Variants in RGS7 observed in about 807,000 individuals in gnomAD.
RGS7 encodes regulator of G protein signaling 7, also known as regulator of G-protein signaling 7.
Under a neutral mutation model 81.1 loss-of-function variants are expected in RGS7, and 27 were observed. The ratio of observed to expected loss-of-function variants is 0.33; its 90% CI spans 0.25 to 0.46. The LOEUF (loss-of-function observed/expected upper bound fraction) is 0.46, where lower values mean the gene tolerates loss of function less well. RGS7 is among the 20% of genes least tolerant of loss of function. RGS7 has a pLI of 1.00. For synonymous variants in RGS7, 208 were observed against 207.7 expected, an observed-to-expected ratio of 1.00 and a Z score of -0.01; for missense variants, 396 against 607.4, an observed-to-expected ratio of 0.65 and a Z score of 3.66.
intron 6 of RGS7, among the ~76,000 whole-genome samples, chr1:240,918,395 A>C (rs1572755878): frequency 6.6e-6 from 1 of 152,316 alleles, no homozygotes; most frequent in East Asian, 1.9e-4. Context: ...AAGTCTTTCA[A>C]AGTATGATCT....
chr1:241,046,421 C>A (rs2060935889), intron 3 of RGS7, among the ~76,000 whole-genome samples: 1 of 151,744 alleles, frequency 6.6e-6, no homozygotes, highest in South Asian at 2.1e-4. Flanking sequence ...TCACTTATAA[C>A]TGAGTAGAGC....
At chr1:241,100,777 C>T (rs1197390389) in intron 2 of RGS7, among the ~76,000 whole-genome samples, 2 of 152,172 alleles carry the variant, frequency 1.3e-5, no homozygotes, top group Non-Finnish European at 2.9e-5. Flanking sequence ...ATATATAGAA[C>T]AACAAATATT....
chr1:241,156,599 G>A (rs1241117712), intron 2 of RGS7, among the ~76,000 whole-genome samples: 1 of 149,902 alleles, frequency 6.7e-6, no homozygotes, highest in South Asian at 2.1e-4. Context: ...GGGGAGACGA[G>A]GGGAGGGGAG....
chr1:241,230,159 G>A (rs1050217332), intron 2 of RGS7, among the ~76,000 whole-genome samples: 12 of 151,974 alleles, frequency 7.9e-5, no homozygotes, highest in Non-Finnish European at 5.9e-5. Flanking sequence ...TACTTAATAT[G>A]AGTCCATATA....
chr1:241,075,450 A>G (rs2062736967), intron 3 of RGS7, among the ~76,000 whole-genome samples: 1 of 152,162 alleles, frequency 6.6e-6, no homozygotes, highest in Non-Finnish European at 1.5e-5. Context: ...TTCTATGTGC[A>G]ATTCAGGGTT....
intron 2 of RGS7, among the ~76,000 whole-genome samples, chr1:241,194,260 T>C (rs970002903): frequency 1.3e-5 from 2 of 152,218 alleles, no homozygotes; most frequent in Non-Finnish European, 2.9e-5. Flanking sequence ...GCAAAAATTA[T>C]ATTGAGAAAA....
intron 2 of RGS7, among the ~76,000 whole-genome samples, chr1:241,171,393 A>G (rs551163014): frequency 1.3e-5 from 2 of 152,332 alleles, no homozygotes; most frequent in African/African-American, 4.8e-5. Context: ...CAACTGACAC[A>G]GTCACTTAAC....
At chr1:241,225,589 T>C (rs1175104579) in intron 2 of RGS7, among the ~76,000 whole-genome samples, 1 of 152,178 alleles carries the variant, frequency 6.6e-6, no homozygotes, top group African/African-American at 2.4e-5. Flanking sequence ...ATGGGGAGGC[T>C]ATGGATGTGA....
intron 2 of RGS7, among the ~76,000 whole-genome samples, chr1:241,311,758 G>C (rs2080547613): frequency 6.6e-6 from 1 of 152,144 alleles, no homozygotes; most frequent in Non-Finnish European, 1.5e-5. Flanking sequence ...AATTGTGTTG[G>C]AACAAATTTG....
chr1:241,030,727 C>T (rs1052287313), intron 3 of RGS7, among the ~76,000 whole-genome samples: 2 of 152,112 alleles, frequency 1.3e-5, no homozygotes, highest in African/African-American at 4.8e-5. Context: ...AGTGGGTTTC[C>T]TGGCTTCCAT....
At chr1:241,001,123 T>A (rs1410419541) in intron 3 of RGS7, among the ~76,000 whole-genome samples, 2 of 152,182 alleles carry the variant, frequency 1.3e-5, no homozygotes, top group African/African-American at 4.8e-5. Context: ...TGGATATGTG[T>A]GTGTGTTCAT....
At chr1:241,014,337 A>T (rs684863) in intron 3 of RGS7, among the ~76,000 whole-genome samples, 44,394 of 152,168 alleles carry the variant, frequency 0.29, 6,973 homozygotes, top group Middle Eastern at 0.4. Flanking sequence ...AAAACATGAG[A>T]CTGTCCAACA....
intron 6 of RGS7, among the ~76,000 whole-genome samples, chr1:240,903,918 T>G (rs1670414555): frequency 6.6e-6 from 1 of 152,264 alleles, no homozygotes; most frequent in Admixed American, 6.5e-5. Flanking sequence ...CCTGAGGGCC[T>G]CACCAGAAGC....
intron 3 of RGS7, among the ~76,000 whole-genome samples, chr1:241,034,097 T>C (rs1322621786): frequency 6.6e-6 from 1 of 152,196 alleles, no homozygotes; most frequent in Non-Finnish European, 1.5e-5. Context: ...ATATTGAATA[T>C]TGGCTGGCAA....
chr1:241,309,724 T>C (rs2080393853), intron 2 of RGS7, among the ~76,000 whole-genome samples: 2 of 152,268 alleles, frequency 1.3e-5, no homozygotes, highest in Admixed American at 1.3e-4. Context: ...AAAGGAGTCC[T>C]GGTTTACTGA....
At chr1:241,153,189 A>T (rs979672407) in intron 2 of RGS7, among the ~76,000 whole-genome samples, 20 of 152,218 alleles carry the variant, frequency 1.3e-4, no homozygotes, top group Non-Finnish European at 2.5e-4. Flanking sequence ...TAGAAATTAG[A>T]TGCATTTGTC....
At chr1:240,939,613 A>G (rs1677219305) in intron 4 of RGS7, among the ~76,000 whole-genome samples, 1 of 152,224 alleles carries the variant, frequency 6.6e-6, no homozygotes, top group South Asian at 2.1e-4. Context: ...GATTGTTTCA[A>G]GTTGAAAACA....
intron 5 of RGS7, among the ~76,000 whole-genome samples, chr1:240,932,947 G>A (rs1268547366): frequency 3.8e-4 from 51 of 132,540 alleles, no homozygotes; most frequent in African/African-American, 8.3e-4. Flanking sequence ...GCAGTGGCGC[G>A]ATCTCGGCTC....
intron 2 of RGS7, among the ~76,000 whole-genome samples, chr1:241,117,632 A>G (rs547039860): frequency 1.3e-5 from 2 of 152,332 alleles, no homozygotes; most frequent in Admixed American, 1.3e-4. Context: ...TTAATTTGAC[A>G]GGAAAAGATT....
Sources: gnomAD v4.1 joint callset for allele counts (sites outside exome capture counted in the v4.1 genomes callset) on GRCh38, gnomAD v4.1.1 for gene constraint, MANE v1.5 for transcripts, NCBI Gene and HGNC (gene_info 2026-07-23, HGNC 2026-07-21) for gene names.